GRIN3A: variants seen among roughly 807,000 people sequenced by gnomAD.
GRIN3A encodes glutamate receptor ionotropic, NMDA 3A.
A neutral mutation model predicts 92.4 loss-of-function variants in GRIN3A; 47 were observed. The ratio of observed to expected loss-of-function variants is 0.51; its 90% CI spans 0.40 to 0.65. The LOEUF is 0.65. Among genes scored for constraint, GRIN3A ranks in the 30% least tolerant of loss-of-function variants. The pLI is 0.00. For synonymous variants in GRIN3A, 527 were observed against 540.6 expected, an observed-to-expected ratio of 0.97 and a Z score of 0.35; for missense variants, 1,324 against 1,393.1, an observed-to-expected ratio of 0.95 and a Z score of 0.79.
At chr9:101,616,648 G>T (rs1481698658) in intron 5 of GRIN3A, among the ~76,000 whole-genome samples, 1 of 148,226 alleles carries the variant, frequency 6.7e-6, no homozygotes, top group Non-Finnish European at 1.5e-5. Context: ...TTGTGTATCT[G>T]CATTAAAAAA....
intron 1 of GRIN3A, among the ~76,000 whole-genome samples, chr9:101,731,254 C>T (rs565861223): frequency 1.8e-4 from 27 of 152,180 alleles, no homozygotes; most frequent in African/African-American, 6.3e-4. Context: ...GACAAATAGA[C>T]GAAGTTAAGA....
At chr9:101,698,540 T>G (rs541705613) in intron 1 of GRIN3A, among the ~76,000 whole-genome samples, 13 of 152,314 alleles carry the variant, frequency 8.5e-5, no homozygotes, top group Non-Finnish European at 1.6e-4. Flanking sequence ...CTAGGCTACA[T>G]AGTATAACCT....
intron 5 of GRIN3A, 46 bp from the exon 6 acceptor site, chr9:101,613,573 A>T (rs1174434773): frequency 1.3e-6 from 2 of 1,586,604 alleles, no homozygotes; most frequent in Non-Finnish European, 1.7e-6. Flanking sequence ...ACCCTTCCTG[A>T]GAGATTGCCA....
intron 3 of GRIN3A, among the ~76,000 whole-genome samples, chr9:101,660,019 A>G (rs1829150557): frequency 6.6e-6 from 1 of 151,830 alleles, no homozygotes; most frequent in Non-Finnish European, 1.5e-5. Flanking sequence ...AGGAAGGGAA[A>G]GAATATACCA....
Position 101,670,967 on chromosome 9 carries a change from C to T in GRIN3A, c.1445G>A (p.Gly482Asp), listed in dbSNP as rs1265774449. 3 of 1,613,884 alleles carry T rather than the reference C, an allele frequency of 1.9e-6. No homozygotes were observed. Among genetic ancestry groups the T allele is most frequent in the Admixed American group, 3.3e-5 (2 of 59,976 alleles). The change falls in exon 3 of 9, where the codon GGC becomes GAC. Residue 482 changes from glycine to aspartate, a missense_variant. Gly to Asp is a moderately conservative substitution (Grantham distance 94). Transcript: ENST00000361820. Reference sequence around the variant, plus strand: ...GACAATCTTTCCCCCCTGCCAGCTGCCCAAGCGGGTCCACATTGGCTTTCC... The same window carrying T: ...GACAATCTTTCCCCCCTGCCAGCTGTCCAAGCGGGTCCACATTGGCTTTCC... Reference protein sequence around the residue: ...PMGKPMWTRLGSWQGGKIVMD... With the variant: ...PMGKPMWTRLDSWQGGKIVMD...
chr9:101,595,023 G>A, intron 6 of GRIN3A: 1 of 1,395,454 alleles, frequency 7.2e-7, no homozygotes. Context: ...CCATGGGGTG[G>A]GGGTAGAGGG....
chr9:101,692,353 T>A (rs1004789908), intron 1 of GRIN3A, among the ~76,000 whole-genome samples: 1 of 152,142 alleles, frequency 6.6e-6, no homozygotes, highest in African/African-American at 2.4e-5. Context: ...TGGTGCCAAC[T>A]CCTGGAGATC....
intron 6 of GRIN3A, among the ~76,000 whole-genome samples, chr9:101,580,259 T>G (rs1827871523): frequency 6.6e-6 from 1 of 152,194 alleles, no homozygotes; most frequent in African/African-American, 2.4e-5. Flanking sequence ...ATGGCTGGCC[T>G]GCTGGCTGCA....
intron 8 of GRIN3A, among the ~76,000 whole-genome samples, chr9:101,573,773 ATTTTT>A (rs5899448): frequency 1.1e-5 from 1 of 92,598 alleles, no homozygotes; most frequent in African/African-American, 4.2e-5. Flanking sequence ...GGTATGGTGC[ATTTTT>A]TTTTTTTTTT....
At chr9:101,614,932 T>C (rs1203997861) in intron 5 of GRIN3A, among the ~76,000 whole-genome samples, 1 of 152,064 alleles carries the variant, frequency 6.6e-6, no homozygotes, top group Admixed American at 6.6e-5. Flanking sequence ...ATAATACTTA[T>C]TATTTTTAAC....
At chr9:101,579,958 A>G (rs1827868597) in intron 6 of GRIN3A, among the ~76,000 whole-genome samples, 1 of 152,146 alleles carries the variant, frequency 6.6e-6, no homozygotes, top group Non-Finnish European at 1.5e-5. Flanking sequence ...GGGGATGCAT[A>G]GTGAGGGTTT....
At chr9:101,690,300 A>G (rs974260688) in intron 1 of GRIN3A, among the ~76,000 whole-genome samples, 1 of 152,234 alleles carries the variant, frequency 6.6e-6, no homozygotes, top group Non-Finnish European at 1.5e-5. Flanking sequence ...AAAAGATTTT[A>G]AAATGTAATT....
At chr9:101,683,549 C>T (rs1332722338) in intron 2 of GRIN3A, among the ~76,000 whole-genome samples, 1 of 152,172 alleles carries the variant, frequency 6.6e-6, no homozygotes, top group East Asian at 1.9e-4. Context: ...AAGTCTCCTT[C>T]CTGGGTTTTG....
At chr9:101,703,733 C>T (rs28631285) in intron 1 of GRIN3A, among the ~76,000 whole-genome samples, 2,342 of 152,226 alleles carry the variant, frequency 0.015, 29 homozygotes, top group African/African-American at 0.033. Context: ...TGATTGATAA[C>T]GCATTTCTCA....
intron 1 of GRIN3A, among the ~76,000 whole-genome samples, chr9:101,690,872 T>C (rs1354142683): frequency 6.6e-6 from 1 of 152,112 alleles, no homozygotes. Flanking sequence ...GAAAATAGAT[T>C]AGTTAGAAAA....
chr9:101,713,731 A>G (rs778449850), intron 1 of GRIN3A, among the ~76,000 whole-genome samples: 3 of 152,172 alleles, frequency 2.0e-5, no homozygotes, highest in Non-Finnish European at 4.4e-5. Flanking sequence ...AACAGAGGGT[A>G]TGGATGGGTT....
chr9:101,724,078 A>T (rs1235248359), intron 1 of GRIN3A, among the ~76,000 whole-genome samples: 1 of 152,202 alleles, frequency 6.6e-6, no homozygotes, highest in Non-Finnish European at 1.5e-5. Flanking sequence ...CCGGGGCTGC[A>T]GGTGGAGCTG....
At chr9:101,736,264 G>C (rs556040386) in intron 1 of GRIN3A, among the ~76,000 whole-genome samples, 2 of 152,144 alleles carry the variant, frequency 1.3e-5, no homozygotes, top group Non-Finnish European at 2.9e-5. Context: ...ATGGGCCCAT[G>C]CCAATTACCT....
intron 3 of GRIN3A, among the ~76,000 whole-genome samples, chr9:101,653,451 C>T (rs977385758): frequency 3.9e-5 from 6 of 151,932 alleles, no homozygotes; most frequent in East Asian, 1.9e-4. Context: ...TTTTAGCTTA[C>T]GTCTGTTTTA....
Sources: gnomAD v4.1 joint callset for allele counts (sites outside exome capture counted in the v4.1 genomes callset) on GRCh38, gnomAD v4.1.1 for gene constraint, MANE v1.5 for transcripts, NCBI Gene and HGNC (gene_info 2026-07-23, HGNC 2026-07-21) for gene names.